Variants in NINL observed in about 807,000 individuals in gnomAD.
NINL encodes ninein-like protein.
A neutral mutation model predicts 160.3 loss-of-function variants in NINL; 153 were observed. That is an observed-to-expected ratio of 0.95 (90% CI 0.84 to 1.09). The LOEUF (loss-of-function observed/expected upper bound fraction) is 1.09, where lower values mean the gene tolerates loss of function less well. Among genes scored for constraint, NINL ranks in the 50% least tolerant of loss-of-function variants. The probability of loss-of-function intolerance (pLI) is 0.00; values close to 1 mark genes in which losing one functional copy is unlikely to be tolerated. For missense variants in NINL, 1,829 were observed against 1,764.0 expected (o/e 1.04, Z -0.66); for synonymous variants, 800 against 734.8 (o/e 1.09, Z -1.43).
chr20:25,557,424 G>A (rs1017581743), intron 1 of NINL, among the ~76,000 whole-genome samples: 2 of 152,100 alleles, frequency 1.3e-5, no homozygotes, highest in Non-Finnish European at 2.9e-5. Context: ...CCAGCTACTC[G>A]GGAAGCCAAG....
chr20:25,478,259 T>C (rs1029312016), intron 16 of NINL, among the ~76,000 whole-genome samples: 5 of 152,150 alleles, frequency 3.3e-5, no homozygotes, highest in Admixed American at 6.5e-5. Flanking sequence ...GAAAGATGAC[T>C]TTCTGTCAGG....
chr20:25,521,344 T>A (rs977004861), intron 2 of NINL, among the ~76,000 whole-genome samples: 1 of 152,222 alleles, frequency 6.6e-6, no homozygotes, highest in African/African-American at 2.4e-5. Flanking sequence ...TTTTAAGCTC[T>A]AAAAAAATCT....
At chr20:25,536,329 ACTGCCCACTGAGC>A (rs1000888030) in intron 1 of NINL, among the ~76,000 whole-genome samples, 4 of 152,220 alleles carry the variant, frequency 2.6e-5, no homozygotes, top group African/African-American at 9.6e-5. Flanking sequence ...ACTGCTGTGT[ACTGCCCACTGAGC>A]CTTTGAGAAA....
intron 13 of NINL, among the ~76,000 whole-genome samples, chr20:25,487,831 T>C (rs889595870): frequency 6.6e-6 from 1 of 152,174 alleles, no homozygotes; most frequent in South Asian, 2.1e-4. Flanking sequence ...GGTGAGACCA[T>C]GGGGAGCTGG....
chr20:25,475,476 C>T (rs1026424017), intron 17 of NINL, among the ~76,000 whole-genome samples: 1 of 152,102 alleles, frequency 6.6e-6, no homozygotes, highest in African/African-American at 2.4e-5. Flanking sequence ...CAGACCAATC[C>T]CTTATGATGC....
chr20:25,500,794 G>GC, intron 8 of NINL, 46 bp downstream of exon 8: 1 of 1,585,622 alleles, frequency 6.3e-7, no homozygotes, highest in Non-Finnish European at 8.6e-7. Context: ...CAGCAGACGG[G>GC]CCCCCCAGGT....
At chr20:25,511,091 G>C (rs1601188391) in intron 4 of NINL, among the ~76,000 whole-genome samples, 2 of 152,300 alleles carry the variant, frequency 1.3e-5, no homozygotes, top group African/African-American at 4.8e-5. Flanking sequence ...CCTCTGCATG[G>C]TGATGGCTTC....
At chr20:25,532,671 T>C (rs1245166735) in intron 1 of NINL, among the ~76,000 whole-genome samples, 1 of 152,208 alleles carries the variant, frequency 6.6e-6, no homozygotes, top group Non-Finnish European at 1.5e-5. Flanking sequence ...GCTTCACCTA[T>C]TGGTGAGTCA....
intron 19 of NINL, among the ~76,000 whole-genome samples, chr20:25,466,220 T>C (rs1284447975): frequency 1.3e-5 from 2 of 151,848 alleles, no homozygotes; most frequent in Non-Finnish European, 2.9e-5. Flanking sequence ...TGGGGTTTTG[T>C]CATGTTGCCC....
chr20:25,469,791 C>T (rs534252341), intron 18 of NINL, among the ~76,000 whole-genome samples, 200 bp downstream of exon 18: 3 of 152,308 alleles, frequency 2.0e-5, no homozygotes, highest in East Asian at 1.9e-4. Context: ...GTTCAGGTGC[C>T]GCCCACACGA....
chr20:25,534,815 A>G (rs747669401), intron 1 of NINL, among the ~76,000 whole-genome samples: 10 of 152,160 alleles, frequency 6.6e-5, no homozygotes, highest in Non-Finnish European at 1.0e-4. Context: ...TTTGCCTATA[A>G]CCTATGCATA....
intron 9 of NINL, among the ~76,000 whole-genome samples, chr20:25,497,006 G>A (rs1568913713): frequency 6.6e-6 from 1 of 152,162 alleles, no homozygotes; most frequent in Non-Finnish European, 1.5e-5. Context: ...TGAGAGAGAG[G>A]GGCCACGTGA....
At chr20:25,529,674 A>C (rs2064421761) in intron 1 of NINL, among the ~76,000 whole-genome samples, 1 of 152,128 alleles carries the variant, frequency 6.6e-6, no homozygotes, top group African/African-American at 2.4e-5. Flanking sequence ...CCCCGTCTCT[A>C]CAAAAAACAG....
At chr20:25,471,327 T>C (rs2063088699) in intron 17 of NINL, among the ~76,000 whole-genome samples, 1 of 152,224 alleles carries the variant, frequency 6.6e-6, no homozygotes, top group Admixed American at 6.5e-5. Context: ...ATAAGTATCT[T>C]CTTCATATGC....
At chr20:25,583,631 C>T (rs1221771603) in intron 1 of NINL, among the ~76,000 whole-genome samples, 2 of 152,258 alleles carry the variant, frequency 1.3e-5, no homozygotes, top group South Asian at 2.1e-4. Flanking sequence ...TGGGTATATA[C>T]CCAAAGGACT....
intron 2 of NINL, among the ~76,000 whole-genome samples, chr20:25,525,743 T>C (rs1395792704): frequency 1.3e-5 from 2 of 152,230 alleles, no homozygotes; most frequent in East Asian, 3.8e-4. Flanking sequence ...GCACTGCTGT[T>C]AGCAGTAACA....
intron 5 of NINL, among the ~76,000 whole-genome samples, chr20:25,509,342 C>T (rs1343355791): frequency 6.6e-6 from 1 of 152,166 alleles, no homozygotes; most frequent in African/African-American, 2.4e-5. Flanking sequence ...CTTCAAGTGT[C>T]CCAACAGAGG....
intron 23 of NINL, 63 bp from the exon 24 acceptor site, chr20:25,453,705 G>T (rs1404086828): frequency 2.1e-6 from 3 of 1,447,306 alleles, no homozygotes; most frequent in Admixed American, 4.4e-5. Flanking sequence ...AGATCAGCCT[G>T]CTCTCTTTTA....
At chr20:25,494,342 A>C (rs1343538540) in intron 10 of NINL, among the ~76,000 whole-genome samples, 1 of 149,366 alleles carries the variant, frequency 6.7e-6, no homozygotes, top group African/African-American at 2.5e-5. Flanking sequence ...ACATGGCACC[A>C]CATGAGTCCC....
Sources: gnomAD v4.1 joint callset for allele counts (sites outside exome capture counted in the v4.1 genomes callset) on GRCh38, gnomAD v4.1.1 for gene constraint, MANE v1.5 for transcripts, NCBI Gene and HGNC (gene_info 2026-07-23, HGNC 2026-07-21) for gene names.